Variants in LY75 observed in about 807,000 individuals in gnomAD.
The protein encoded by LY75 is lymphocyte antigen 75.
In LY75, 185 loss-of-function variants were observed where a neutral mutation model predicts 231.7. The observed-to-expected ratio is 0.80, with a 90% CI of 0.71 to 0.90. The LOEUF is 0.90. LY75 is among the 40% of genes least tolerant of loss of function. The probability of loss-of-function intolerance (pLI) is 0.00; values close to 1 mark genes in which losing one functional copy is unlikely to be tolerated. For missense variants in LY75, 1,947 were observed against 2,050.2 expected, an observed-to-expected ratio of 0.95 and a Z score of 0.97; for synonymous variants, 668 against 689.0, an observed-to-expected ratio of 0.97 and a Z score of 0.48.
At chr2:159,824,859 T>G (rs1683409684) in intron 28 of LY75, among the ~76,000 whole-genome samples, 1 of 150,202 alleles carries the variant, frequency 6.7e-6, no homozygotes. Context: ...TGAATGACAC[T>G]GGGTAAATAA....
chr2:159,884,322 C>T (rs2125877867), intron 6 of LY75, among the ~76,000 whole-genome samples: 1 of 152,280 alleles, frequency 6.6e-6, no homozygotes, highest in South Asian at 2.1e-4. Context: ...GTATTAGTTT[C>T]TCTCATTTGG....
rs187576332 is a variant in LY75, at chr2:159,842,198, T to C, written c.3280+47A>G. ...GACTCTCTCTCTCTCTATATATATA[T>C]ATGTAATAGCATAAAGTACCATAGT... On this transcript the variant is annotated intron_variant, in intron 24 of 34. Transcript: ENST00000263636. The C allele has an allele frequency of 6.3e-4, 990 of 1,570,594 alleles. 7 individuals carry two copies. The Middle Eastern group carries it at 8.1e-3, about 13-fold the overall frequency.
chr2:159,816,915 T>A lies in LY75; in HGVS notation c.4271A>T (p.Gln1424Leu), dbSNP rs772554120. The change falls in exon 30 of 35, where the codon CAA becomes CTA. Residue 1424 changes from glutamine to leucine, a missense_variant. Gln to Leu is a moderately radical substitution (Grantham distance 113). Transcript: ENST00000263636. ...AACGCTTGCCAAGTGACCTCCACTT[T>A]GAGAACACATGTTTAATGCTTCATA... ...TWYEALNMCS[Q>L]SGGHLASVHN... 2 of 1,614,208 alleles carry A rather than the reference T, an allele frequency of 1.2e-6. No individual in the cohort carries two copies. The highest frequency in any genetic ancestry group is 4.5e-5 in the East Asian group (2 of 44,884).
At chr2:159,890,580 C>T (rs140074192) in intron 3 of LY75, among the ~76,000 whole-genome samples, 265 of 152,176 alleles carry the variant, frequency 1.7e-3, no homozygotes, top group African/African-American at 6.1e-3. Context: ...GTTGAAGCTT[C>T]CACTCTTTCT....
intron 13 of LY75, among the ~76,000 whole-genome samples, chr2:159,869,467 T>C (rs1308442636): frequency 6.6e-6 from 1 of 152,134 alleles, no homozygotes; most frequent in Non-Finnish European, 1.5e-5. Context: ...GATGGTAGGA[T>C]TGGGCTCTCA....
In LY75 at chr2:159,878,610, T is replaced by C. The variant is rs1283108155; in HGVS notation, c.1604+23A>G. ...GAATTCAGAGTTGAAAGTTTATGAG[T>C]ACAAGTTTACTGATGGTCACACCTG... On this transcript the variant is annotated intron_variant, in intron 10 of 34. Coordinates refer to ENST00000263636, the MANE Select transcript of LY75 (RefSeq NM_002349.4). The C allele has an allele frequency of 1.9e-6, 3 of 1,613,898 alleles. No homozygotes were observed. The South Asian group carries it at 3.3e-5, about 18-fold the overall frequency.
At chr2:159,865,941 G>C (rs1684845236) in intron 13 of LY75, among the ~76,000 whole-genome samples, 1 of 152,104 alleles carries the variant, frequency 6.6e-6, no homozygotes, top group Non-Finnish European at 1.5e-5. Flanking sequence ...TATAAGCACA[G>C]AAAATTTTCT....
At chr2:159,809,255 T>C (rs558407591) in intron 32 of LY75, among the ~76,000 whole-genome samples, 1 of 152,324 alleles carries the variant, frequency 6.6e-6, no homozygotes, top group Non-Finnish European at 1.5e-5. Flanking sequence ...TGAAATACTC[T>C]AGGTAGTTCC....
intron 23 of LY75, among the ~76,000 whole-genome samples, chr2:159,849,454 A>G (rs1382336771): frequency 1.3e-5 from 2 of 152,130 alleles, no homozygotes; most frequent in Non-Finnish European, 2.9e-5. Context: ...GCCTCAGGAG[A>G]CTGAGGCTGA....
At chr2:159,857,154 T>G (rs1166691986) in intron 16 of LY75, among the ~76,000 whole-genome samples, 1 of 152,226 alleles carries the variant, frequency 6.6e-6, no homozygotes, top group African/African-American at 2.4e-5. Flanking sequence ...GCATAATTTA[T>G]CCTTTAGAAA....
intron 18 of LY75, 68 bp from the exon 19 acceptor site, chr2:159,853,765 A>C: frequency 5.6e-6 from 9 of 1,599,534 alleles, no homozygotes; most frequent in South Asian, 1.1e-5. Flanking sequence ...ATTCGAATAC[A>C]TTGTCTTACT....
At chr2:159,813,166 G>A (rs890643573) in intron 31 of LY75, among the ~76,000 whole-genome samples, 1 of 152,144 alleles carries the variant, frequency 6.6e-6, no homozygotes, top group Admixed American at 6.6e-5. Context: ...CAGTTGTTTT[G>A]AGTATATACC....
At chr2:159,874,823 T>C (rs1206844205) in intron 12 of LY75, among the ~76,000 whole-genome samples, 1 of 89,132 alleles carries the variant, frequency 1.1e-5, no homozygotes, top group Non-Finnish European at 2.2e-5. Context: ...TTTATGTAAA[T>C]ATATATATTT....
chr2:159,880,619 T>G (rs973590211), intron 8 of LY75, among the ~76,000 whole-genome samples: 1 of 152,206 alleles, frequency 6.6e-6, no homozygotes, highest in Admixed American at 6.5e-5. Context: ...ATTTAGTAAT[T>G]GCTTTTATTT....
At position 159,860,873 on chromosome 2, in the gene LY75, A is replaced by G. The variant is rs746239058; in HGVS notation, c.2216T>C (p.Met739Thr). Reference protein sequence around the residue: ...SDRTPVSTIIMPNEFQQDYDI... With the variant: ...SDRTPVSTIITPNEFQQDYDI... Reference sequence around the variant, plus strand: ...ATAATCCTGCTGAAACTCATTTGGCATGATAATAGTAGACACCTGAAAAGA... The same window carrying G: ...ATAATCCTGCTGAAACTCATTTGGCGTGATAATAGTAGACACCTGAAAAGA... Residue 739 changes from methionine to threonine, a missense_variant, in exon 15 of 35, where the codon ATG (methionine) becomes ACG (threonine). Coordinates refer to ENST00000263636, the MANE Select transcript of LY75 (RefSeq NM_002349.4). 29 of 1,613,994 alleles carry G rather than the reference A, an allele frequency of 1.8e-5. No homozygotes were observed. The highest frequency in any genetic ancestry group is 2.4e-5 in the Non-Finnish European group (28 of 1,179,872).
intron 4 of LY75, 65 bp from the exon 5 acceptor site, chr2:159,886,595 T>C: frequency 6.8e-7 from 1 of 1,466,618 alleles, no homozygotes; most frequent in Non-Finnish European, 9.2e-7. Flanking sequence ...AAATTAGACT[T>C]ATTCTACTAA....
At chr2:159,891,137 A>G (rs1685742583) in intron 3 of LY75, among the ~76,000 whole-genome samples, 1 of 152,124 alleles carries the variant, frequency 6.6e-6, no homozygotes, top group South Asian at 2.1e-4. Context: ...AGTGCATCCC[A>G]GGCTCCAACT....
intron 1 of LY75, among the ~76,000 whole-genome samples, chr2:159,900,230 G>C (rs1457098422): frequency 6.6e-6 from 1 of 152,194 alleles, no homozygotes; most frequent in African/African-American, 2.4e-5. Context: ...TGGAATGGGA[G>C]CTCAGCATCA....
intron 23 of LY75, among the ~76,000 whole-genome samples, chr2:159,848,175 T>C (rs1684276037): frequency 1.3e-5 from 2 of 150,976 alleles, no homozygotes; most frequent in Admixed American, 1.3e-4. Flanking sequence ...TGTATATGTA[T>C]ATATATGTAT....
Sources: gnomAD v4.1 joint callset for allele counts (sites outside exome capture counted in the v4.1 genomes callset) on GRCh38, gnomAD v4.1.1 for gene constraint, MANE v1.5 for transcripts, NCBI Gene and HGNC (gene_info 2026-07-23, HGNC 2026-07-21) for gene names.